Variants in KCNH8 observed in about 807,000 individuals in gnomAD.
The protein encoded by KCNH8 is potassium voltage-gated channel subfamily H member 8, also known as voltage-gated delayed rectifier potassium channel KCNH8.
In KCNH8, 70 loss-of-function variants were observed where a neutral mutation model predicts 103.6. The observed-to-expected ratio is 0.68, with a 90% CI of 0.56 to 0.82. The LOEUF is 0.82. Among genes scored for constraint, KCNH8 ranks in the 40% least tolerant of loss-of-function variants. The pLI is 0.00. For missense variants in KCNH8, 1,217 were observed against 1,329.9 expected (o/e 0.92, Z 1.32); for synonymous variants, 498 against 489.4 (o/e 1.02, Z -0.23).
chr3:19,494,213 T>C (rs561934927), intron 11 of KCNH8, among the ~76,000 whole-genome samples: 132 of 152,342 alleles, frequency 8.7e-4, no homozygotes, highest in African/African-American at 3.1e-3. Context: ...AGTGTACATG[T>C]ACCACATTTA....
chr3:19,386,114 G>GA (rs1313037839), intron 5 of KCNH8, among the ~76,000 whole-genome samples: 5 of 151,976 alleles, frequency 3.3e-5, no homozygotes, highest in African/African-American at 1.2e-4. Flanking sequence ...AATCAAACTA[G>GA]AAAAAATGGA....
intron 3 of KCNH8, among the ~76,000 whole-genome samples, chr3:19,302,848 G>C (rs894250946): frequency 3.9e-5 from 6 of 152,134 alleles, no homozygotes; most frequent in Non-Finnish European, 7.4e-5. Context: ...TTTAATTAAA[G>C]AATAGCTTTT....
chr3:19,367,261 G>C (rs1291412139), intron 5 of KCNH8, among the ~76,000 whole-genome samples: 1 of 151,464 alleles, frequency 6.6e-6, no homozygotes, highest in Non-Finnish European at 1.5e-5. Context: ...TCTCTGTAAA[G>C]CCTTCTTTAT....
At chr3:19,479,325 A>G (rs1437922284) in intron 11 of KCNH8, among the ~76,000 whole-genome samples, 1 of 152,184 alleles carries the variant, frequency 6.6e-6, no homozygotes, top group East Asian at 1.9e-4. Context: ...TCTAAGTCTT[A>G]ATAGTTAGTC....
At chr3:19,191,432 C>T (rs2063552395) in intron 1 of KCNH8, among the ~76,000 whole-genome samples, 1 of 151,788 alleles carries the variant, frequency 6.6e-6, no homozygotes, top group Non-Finnish European at 1.5e-5. Flanking sequence ...AAACATCTTT[C>T]ACACAGTAAT....
intron 5 of KCNH8, among the ~76,000 whole-genome samples, chr3:19,375,317 T>C (rs1430608007): frequency 2.0e-5 from 3 of 149,318 alleles, no homozygotes; most frequent in Non-Finnish European, 4.5e-5. Context: ...TTTTATTCTT[T>C]TTTCTCTAAA....
At chr3:19,172,123 C>T (rs936569699) in intron 1 of KCNH8, among the ~76,000 whole-genome samples, 2 of 152,118 alleles carry the variant, frequency 1.3e-5, no homozygotes, top group Non-Finnish European at 2.9e-5. Context: ...ACTTTGACTA[C>T]CTTCCTGGGT....
intron 11 of KCNH8, among the ~76,000 whole-genome samples, chr3:19,467,891 C>G (rs1466495602): frequency 2.6e-5 from 4 of 152,250 alleles, no homozygotes; most frequent in Non-Finnish European, 5.9e-5. Flanking sequence ...TCCAGCATTA[C>G]ACTCCAGCAA....
rs2067539013 is a variant in KCNH8 at position 19,456,758 on chromosome 3, C to G, written c.1826-10C>G. 3.8e-6 allele frequency: 6 copies of G among 1,569,870 alleles called. No individual in the cohort carries two copies. The Middle Eastern group carries it at 6.7e-4, about 176-fold the overall frequency. Reference sequence around the variant, plus strand: ...TTTTTTTTGAAAATGATCTCTCTCTCTCTTTCTAGGGAAAGGGGATTTAAT... The same window carrying G: ...TTTTTTTTGAAAATGATCTCTCTCTGTCTTTCTAGGGAAAGGGGATTTAAT... On this transcript the variant is annotated splice_polypyrimidine_tract_variant and intron_variant, in intron 10 of 15. Coordinates refer to ENST00000328405, the MANE Select transcript of KCNH8 (RefSeq NM_144633.3).
intron 7 of KCNH8, among the ~76,000 whole-genome samples, chr3:19,422,455 A>G (rs1050859773): frequency 1.3e-5 from 2 of 152,094 alleles, no homozygotes; most frequent in African/African-American, 4.8e-5. Context: ...ATGTTTTACA[A>G]AATTATTTTC....
At chr3:19,330,025 G>T (rs1192954259) in intron 3 of KCNH8, among the ~76,000 whole-genome samples, 3 of 148,992 alleles carry the variant, frequency 2.0e-5, no homozygotes, top group Non-Finnish European at 3.0e-5. Context: ...AAAAAAAAAA[G>T]GATTGAATTC....
chr3:19,527,702 G>A (rs1450622078), intron 15 of KCNH8, among the ~76,000 whole-genome samples: 1 of 152,120 alleles, frequency 6.6e-6, no homozygotes, highest in Non-Finnish European at 1.5e-5. Context: ...TTAGGGGTAT[G>A]GAAGGATCAG....
At position 19,533,885 on chromosome 3, in the gene KCNH8, C is replaced by T; in HGVS notation, c.3110C>T (p.Ser1037Phe). 1 of 1,614,206 alleles carries T rather than the reference C, an allele frequency of 6.2e-7. No homozygotes were observed. Among genetic ancestry groups the T allele is most frequent in the Non-Finnish European group, 8.5e-7 (1 of 1,180,034 alleles). Residue 1037 changes from serine to phenylalanine, a missense_variant, in exon 16 of 16, where the codon TCT (serine) becomes TTT (phenylalanine). Ser to Phe is a radical substitution (Grantham distance 155, BLOSUM62 -2). Around this residue, in one of 3 missense-constraint regions of KCNH8, gnomAD observed 558 missense variants for 495.8 expected, o/e 1.13. Coordinates refer to ENST00000328405, the MANE Select transcript of KCNH8 (RefSeq NM_144633.3). Reference sequence around the variant, plus strand: ...ACTCTCTCATCTTCTGTCTGCTCCTCTTCGGAAACATCTTTGCACCTAGTT... The same window carrying T: ...ACTCTCTCATCTTCTGTCTGCTCCTTTTCGGAAACATCTTTGCACCTAGTT... Reference protein sequence around the residue: ...SATLSSSVCSSSETSLHLVLP... With the variant: ...SATLSSSVCSFSETSLHLVLP...
At chr3:19,498,864 T>G (rs2068508984) in intron 11 of KCNH8, among the ~76,000 whole-genome samples, 2 of 151,958 alleles carry the variant, frequency 1.3e-5, no homozygotes, top group African/African-American at 2.4e-5. Flanking sequence ...TCTGCCCCTG[T>G]TGGGGGGTGC....
chr3:19,471,246 G>A (rs2067849903), intron 11 of KCNH8, among the ~76,000 whole-genome samples: 2 of 152,168 alleles, frequency 1.3e-5, no homozygotes, highest in Admixed American at 1.3e-4. Flanking sequence ...ATTTGCATAT[G>A]CACACACATA....
chr3:19,470,596 G>A (rs1326619174), intron 11 of KCNH8, among the ~76,000 whole-genome samples: 2 of 152,134 alleles, frequency 1.3e-5, no homozygotes, highest in South Asian at 2.1e-4. Context: ...CAGAGTGATC[G>A]GGGGCTTCAA....
intron 3 of KCNH8, among the ~76,000 whole-genome samples, chr3:19,322,665 G>T: frequency 6.6e-6 from 1 of 152,266 alleles, no homozygotes; most frequent in Non-Finnish European, 1.5e-5. Context: ...TGATGACTAT[G>T]TGCCCAGGCA....
chr3:19,492,821 A>C (rs2068351838), intron 11 of KCNH8, among the ~76,000 whole-genome samples: 1 of 141,368 alleles, frequency 7.1e-6, no homozygotes. Context: ...TGAGCATGGA[A>C]TGTTTTTTCG....
chr3:19,448,752 G>A (rs1245778287), intron 8 of KCNH8, among the ~76,000 whole-genome samples: 2 of 152,102 alleles, frequency 1.3e-5, no homozygotes, highest in South Asian at 2.1e-4. Context: ...GCTACTAAAT[G>A]TTTAGTCTTT....
Sources: allele counts gnomAD v4.1 joint callset (sites outside exome capture counted in the v4.1 genomes callset), GRCh38; gene constraint gnomAD v4.1.1; regional missense constraint gnomAD v4.1.1; transcripts MANE v1.5; gene names NCBI Gene and HGNC (gene_info 2026-07-23, HGNC 2026-07-21).